The following KIRREL3 variants were observed in gnomAD, a reference collection of about 807,000 sequenced individuals.
The protein encoded by KIRREL3 is kin of IRRE-like protein 3.
KIRREL3 carries 36 observed loss-of-function variants against 89.7 expected under a neutral mutation model. The observed-to-expected ratio is 0.40, with a 90% CI of 0.31 to 0.53. The LOEUF is 0.53. Among genes scored for constraint, KIRREL3 ranks in the 20% least tolerant of loss-of-function variants. The probability of loss-of-function intolerance (pLI) is 0.49; values close to 1 mark genes in which losing one functional copy is unlikely to be tolerated. For synonymous variants in KIRREL3, 445 were observed against 441.4 expected (o/e 1.01, Z -0.10); for missense variants, 864 against 1,056.6 (o/e 0.82, Z 2.53).
chr11:126,539,725 C>T (rs1417401929), intron 2 of KIRREL3, among the ~76,000 whole-genome samples: 2 of 152,134 alleles, frequency 1.3e-5, no homozygotes, highest in East Asian at 3.8e-4. Flanking sequence ...GGTCCAGAAT[C>T]CCCCAGGTGA....
At chr11:126,695,642 A>T (rs1176787207) in intron 1 of KIRREL3, among the ~76,000 whole-genome samples, 3 of 152,018 alleles carry the variant, frequency 2.0e-5, no homozygotes, top group African/African-American at 7.2e-5. Flanking sequence ...ACGAGGGCCA[A>T]TTCCTTGATG....
At position 126,431,611 on chromosome 11, in the gene KIRREL3, C is replaced by T. The variant is rs1032223927; in HGVS notation, c.1589-85G>A. The stretch of plus-strand genomic sequence containing the variant: ...TGATCTCACCCCGTTCCTGCGGGGG[C>T]AGCCCCTGCCACATGGGGCCCTCCT... On this transcript the variant is annotated intron_variant, in intron 13 of 16. Transcript: ENST00000525144. The surrounding 1 kb of genome is among the most constrained non-coding windows in gnomAD (Gnocchi z 7.1). 3 of 1,329,028 alleles carry T rather than the reference C, an allele frequency of 2.3e-6. No individual in the cohort carries two copies. The highest frequency in any genetic ancestry group is 2.5e-5 in the East Asian group (1 of 40,778). 82.3% of individuals were successfully genotyped at this position (1,329,028 alleles called of 1,614,324 possible). A position where few individuals can be genotyped will look rare whatever the true frequency, so the allele number is the denominator to read the frequency against.
intron 2 of KIRREL3, among the ~76,000 whole-genome samples, chr11:126,548,248 C>T (rs1287632864): frequency 1.3e-5 from 2 of 152,212 alleles, no homozygotes; most frequent in African/African-American, 4.8e-5. Flanking sequence ...CAGGCTGCTG[C>T]TGACTCTCTC....
rs911246303 is a variant in KIRREL3 at position 126,565,153 on chromosome 11, G to A, written c.56-2241C>T. On this transcript the variant is annotated intron_variant, in intron 1 of 16. Transcript: ENST00000525144. This position sits in a 1 kb window ranked among gnomAD's most constrained non-coding sequence, Gnocchi z 5.4. ...GGCCAATGTTCCAGCTGGTCTTCTG[G>A]ACTGTGACTGAACGCTCAGGCAAAT... is the stretch of plus-strand genomic sequence containing the variant. 6.6e-6 allele frequency among the ~76,000 whole-genome samples: 1 copy of A among 152,158 alleles called. No homozygotes were observed. Among genetic ancestry groups the A allele is most frequent in the Non-Finnish European group, 1.5e-5 (1 of 68,030 alleles).
chr11:126,588,029 G>T (rs630834), intron 1 of KIRREL3, among the ~76,000 whole-genome samples: 6,368 of 152,198 alleles, frequency 0.042, 225 homozygotes, highest in African/African-American at 0.1. Flanking sequence ...GAGGTAGATT[G>T]GGGACAAGTC....
In KIRREL3 at chr11:126,791,542, C is replaced by A. The variant is rs1312073789; in HGVS notation, c.55+208913G>T. Among the ~76,000 whole-genome samples the A allele has an allele frequency of 2.0e-5, 3 of 152,176 alleles. No individual in the cohort carries two copies. The highest frequency in any genetic ancestry group is 7.2e-5 in the African/African-American group (3 of 41,428). On this transcript the variant is annotated intron_variant, in intron 1 of 16. Coordinates refer to ENST00000525144, the MANE Select transcript of KIRREL3 (RefSeq NM_032531.4). The surrounding 1 kb of genome is among the most constrained non-coding windows in gnomAD (Gnocchi z 4.8). ...TTTCCAAAGAAATGAATTCACTGGG[C>A]ACTTATGAAAATAAATGACTGATGG...
intron 6 of KIRREL3, among the ~76,000 whole-genome samples, chr11:126,457,181 G>A (rs1956372488): frequency 1.5e-5 from 2 of 130,754 alleles, no homozygotes; most frequent in African/African-American, 6.0e-5. Context: ...GAGGAAGAGA[G>A]ATTATGTGTG....
chr11:126,802,946 G>A lies in KIRREL3; in HGVS notation c.55+197509C>T, dbSNP rs981823514. ...TCCAAGAACCTATCAATGACATTAA[G>A]TGAGGACTTACTGTGTAAGGGAGCT... On this transcript the variant is annotated intron_variant, in intron 1 of 16. Transcript: ENST00000525144. The surrounding 1 kb of genome is among the most constrained non-coding windows in gnomAD (Gnocchi z 5.2). Among the ~76,000 whole-genome samples, 4 of 152,174 alleles carry A rather than the reference G, an allele frequency of 2.6e-5. No individual in the cohort carries two copies. Among genetic ancestry groups the A allele is most frequent in the African/African-American group, 9.7e-5 (4 of 41,440 alleles).
Position 126,883,994 on chromosome 11 carries a change from T to C in KIRREL3, c.55+116461A>G, listed in dbSNP as rs1276449092. Among the ~76,000 whole-genome samples, 1 of 152,182 alleles carries C rather than the reference T, an allele frequency of 6.6e-6. No individual in the cohort carries two copies. Among genetic ancestry groups the C allele is most frequent in the Non-Finnish European group, 1.5e-5 (1 of 68,034 alleles). On this transcript the variant is annotated intron_variant, in intron 1 of 16. Coordinates refer to ENST00000525144, the MANE Select transcript of KIRREL3 (RefSeq NM_032531.4). The surrounding 1 kb of genome is among the most constrained non-coding windows in gnomAD (Gnocchi z 4.1). ...TGCAGGTATTAAAGTGGAGGGTGAC[T>C]GGCCACCCGGGGAGATTGACAAGTG...
rs914351297 is a variant in KIRREL3, at chr11:126,823,955, C to T, written c.55+176500G>A. Among the ~76,000 whole-genome samples, 13 of 152,118 alleles carry T rather than the reference C, an allele frequency of 8.5e-5. No individual in the cohort carries two copies. In the East Asian group the frequency reaches 2.5e-3, roughly 29 times the overall value. ...CCAGGGGGTATCTTGCTGGAGCTAC[C>T]TGTAGATTGTTCTGGATTTGTTAGC... On this transcript the variant is annotated intron_variant, in intron 1 of 16. Coordinates refer to ENST00000525144, the MANE Select transcript of KIRREL3 (RefSeq NM_032531.4).
At chr11:126,856,774 C>A (rs375516568) in intron 1 of KIRREL3, among the ~76,000 whole-genome samples, 4 of 151,878 alleles carry the variant, frequency 2.6e-5, no homozygotes, top group African/African-American at 4.8e-5. Flanking sequence ...CGCCACCATG[C>A]GCGGCTAATT....
chr11:126,882,570 C>T (rs774751863), intron 1 of KIRREL3, among the ~76,000 whole-genome samples: 1 of 152,204 alleles, frequency 6.6e-6, no homozygotes, highest in Non-Finnish European at 1.5e-5. Flanking sequence ...ACGCAGAATG[C>T]AGGGAGGAAT....
chr11:126,749,248 C>T (rs1273524250), intron 1 of KIRREL3, among the ~76,000 whole-genome samples: 2 of 152,178 alleles, frequency 1.3e-5, no homozygotes, highest in African/African-American at 4.8e-5. Context: ...ATTGTGTTCC[C>T]GCTGAGCCGG....
At position 126,508,273 on chromosome 11, in the gene KIRREL3, G is replaced by A. The variant is rs528547827; in HGVS notation, c.433+13042C>T. Among the ~76,000 whole-genome samples the A allele has an allele frequency of 2.6e-5, 4 of 152,284 alleles. No individual in the cohort carries two copies. The East Asian group carries it at 7.7e-4, about 29-fold the overall frequency. On this transcript the variant is annotated intron_variant, in intron 4 of 16. Coordinates refer to ENST00000525144, the MANE Select transcript of KIRREL3 (RefSeq NM_032531.4). This position sits in a 1 kb window ranked among gnomAD's most constrained non-coding sequence, Gnocchi z 4.9. ...GTGGGACTCAGCTATTTATTTTTGTGAGATGGAGGCTTCTGGGTGCCTATG... is the reference window on the plus strand; with the variant it reads ...GTGGGACTCAGCTATTTATTTTTGTAAGATGGAGGCTTCTGGGTGCCTATG...
At chr11:126,631,119 GTATGTATT>G (rs1944002642) in intron 1 of KIRREL3, among the ~76,000 whole-genome samples, 1 of 115,342 alleles carries the variant, frequency 8.7e-6, no homozygotes, top group Non-Finnish European at 1.8e-5. Flanking sequence ...CAGTCTGTAT[GTATGTATT>G]CATTCATTCA....
intron 1 of KIRREL3, among the ~76,000 whole-genome samples, chr11:126,968,458 G>T (rs1398058421): frequency 6.6e-6 from 1 of 152,208 alleles, no homozygotes; most frequent in Non-Finnish European, 1.5e-5. Flanking sequence ...GAATACCTTA[G>T]ATTCTCCCAA....
rs1946164302 is a variant in KIRREL3, at chr11:126,896,518, T to C, written c.55+103937A>G. Among the ~76,000 whole-genome samples the C allele has an allele frequency of 6.6e-6, 1 of 152,104 alleles. No individual in the cohort carries two copies. Among genetic ancestry groups the C allele is most frequent in the Non-Finnish European group, 1.5e-5 (1 of 68,014 alleles). ...ACTCTGAATGAGAAAAACATCAAAA[T>C]CTGAGAAGCAGGAGAGCTAAGGGTA... On this transcript the variant is annotated intron_variant, in intron 1 of 16. Coordinates refer to ENST00000525144, the MANE Select transcript of KIRREL3 (RefSeq NM_032531.4). This position sits in a 1 kb window ranked among gnomAD's most constrained non-coding sequence, Gnocchi z 4.1.
In KIRREL3 at chr11:126,622,710, A is replaced by G. The variant is rs1175672256; in HGVS notation, c.56-59798T>C. Among the ~76,000 whole-genome samples, 4 of 152,150 alleles carry G rather than the reference A, an allele frequency of 2.6e-5. No homozygotes were observed. The East Asian group carries it at 7.7e-4, about 29-fold the overall frequency. ...GTCTCAAAAAACAAAAAAACAAATA[A>G]AAACTCCACAAAACTTCAGTGGAGA... On this transcript the variant is annotated intron_variant, in intron 1 of 16. Transcript: ENST00000525144. This position sits in a 1 kb window ranked among gnomAD's most constrained non-coding sequence, Gnocchi z 5.2.
At chr11:126,435,826 G>A (rs1026753331) in intron 12 of KIRREL3, among the ~76,000 whole-genome samples, 4 of 152,154 alleles carry the variant, frequency 2.6e-5, no homozygotes, top group African/African-American at 9.7e-5. Flanking sequence ...CTGACAGCCT[G>A]CGAATGGACC....
Sources: gnomAD v4.1 joint callset for allele counts (sites outside exome capture counted in the v4.1 genomes callset) on GRCh38, gnomAD v4.1.1 for gene constraint, Gnocchi (gnomAD v3.1) non-coding constraint, MANE v1.5 for transcripts, NCBI Gene and HGNC (gene_info 2026-07-23, HGNC 2026-07-21) for gene names.